GLUD1: variants seen among roughly 807,000 people sequenced by gnomAD.
The protein encoded by GLUD1 is glutamate dehydrogenase 1, mitochondrial.
A neutral mutation model predicts 56.0 loss-of-function variants in GLUD1; 22 were observed. The observed-to-expected ratio is 0.39, with a 90% CI of 0.28 to 0.56. The LOEUF is 0.56. Among genes scored for constraint, GLUD1 ranks in the 20% least tolerant of loss-of-function variants. GLUD1 has a pLI of 0.58. For synonymous variants in GLUD1, 223 were observed against 269.9 expected, an observed-to-expected ratio of 0.83 and a Z score of 1.70; for missense variants, 451 against 732.0, an observed-to-expected ratio of 0.62 and a Z score of 4.43.
intron 1 of GLUD1, among the ~76,000 whole-genome samples, chr10:87,077,868 G>C (rs1846444164): frequency 6.6e-6 from 1 of 151,962 alleles, no homozygotes; most frequent in African/African-American, 2.4e-5. Context: ...GAGGGGCTGG[G>C]TACGATTTCC....
intron 4 of GLUD1, among the ~76,000 whole-genome samples, chr10:87,069,023 CTT>C (rs1197221736): frequency 7.3e-5 from 11 of 150,682 alleles, no homozygotes; most frequent in African/African-American, 2.4e-4. Context: ...AAAAGGGTAA[CTT>C]ATATCCATGT....
chr10:87,087,762 T>C (rs765366754), intron 1 of GLUD1, among the ~76,000 whole-genome samples: 16 of 152,186 alleles, frequency 1.1e-4, no homozygotes, highest in Non-Finnish European at 1.0e-4. Context: ...CCAACTCCTA[T>C]CCAGCCTTCT....
At position 87,074,532 on chromosome 10, in the gene GLUD1, A is replaced by T. The variant is rs1285864195; in HGVS notation, c.646+19T>A. 2.0e-6 allele frequency: 3 copies of T among 1,472,986 alleles called. No individual in the cohort carries two copies. Among genetic ancestry groups the T allele is most frequent in the Non-Finnish European group, 2.9e-6 (3 of 1,051,836 alleles). The allele number at this position is 1,472,986 out of a possible 1,614,324, so 91.2% of individuals were successfully genotyped here. On this transcript the variant is annotated intron_variant, in intron 4 of 12. Coordinates refer to ENST00000277865, the MANE Select transcript of GLUD1 (RefSeq NM_005271.5). The stretch of plus-strand genomic sequence containing the variant: ...TAGATGTTCCCACTTTATACCAAAA[A>T]CTATGTGGCTACACATACCAATAAA...
chr10:87,073,196 A>T (rs1846286719), intron 4 of GLUD1, among the ~76,000 whole-genome samples: 1 of 152,138 alleles, frequency 6.6e-6, no homozygotes, highest in African/African-American at 2.4e-5. Flanking sequence ...TGCTCAGGCC[A>T]GAGTGTGGCA....
At chr10:87,059,010 G>T in intron 10 of GLUD1, 140 bp downstream of exon 10, 2 of 1,008,712 alleles carry the variant, frequency 2.0e-6, no homozygotes, top group Admixed American at 1.8e-5. Context: ...TTTGGTCTAA[G>T]TTTCATGAGA....
chr10:87,094,792 C>T lies in GLUD1; in HGVS notation c.-23G>A. On this transcript the variant is annotated 5_prime_UTR_variant, in exon 1 of 13. Coordinates refer to ENST00000277865, the MANE Select transcript of GLUD1 (RefSeq NM_005271.5). The surrounding 1 kb of genome is among the most constrained non-coding windows in gnomAD (Gnocchi z 6.6). Reference sequence around the variant, plus strand: ...CATGGCCACAAGCGGAGGGGAGGTGCGTGATGGTCGCGAAACAGGCGCGCT... The same window carrying T: ...CATGGCCACAAGCGGAGGGGAGGTGTGTGATGGTCGCGAAACAGGCGCGCT... 4.6e-6 allele frequency: 7 copies of T among 1,515,682 alleles called. No individual in the cohort carries two copies. The highest frequency in any genetic ancestry group is 2.3e-5 in the South Asian group (2 of 85,140). 93.9% of individuals were successfully genotyped at this position (1,515,682 alleles called of 1,614,324 possible).
Position 87,074,572 on chromosome 10 carries a change from G to C in GLUD1, c.625C>G (p.Leu209Val). The change falls in exon 4 of 13, where the codon CTA (leucine) becomes GTA (valine). Residue 209 changes from leucine to valine, a missense_variant. By Grantham distance (32) the Leu-to-Val change is conservative. Transcript: ENST00000277865. ...ATACCAATAAAGCCCTTTTTTGCTA[G>C]CTCCATGGTGAACCTCCTTGTGATC... ...EKITRRFTME[L>V]AKKGFIGPGI... 1 of 1,588,580 alleles carries C rather than the reference G, an allele frequency of 6.3e-7. No individual in the cohort carries two copies. The highest frequency in any genetic ancestry group is 1.7e-5 in the Admixed American group (1 of 59,938).
chr10:87,060,447 G>GTT (rs367859959), intron 8 of GLUD1: 127 of 532,912 alleles, frequency 2.4e-4, no homozygotes, highest in African/African-American at 3.0e-4. Flanking sequence ...TTGTTTGCTT[G>GTT]TTTTTTTTTT....
Position 87,087,586 on chromosome 10 carries a change from A to G in GLUD1, c.445+6739T>C, listed in dbSNP as rs544585390. The stretch of plus-strand genomic sequence containing the variant: ...TATCACTCAGGAATTTGCGACATTC[A>G]GGAGCTCTGTGTTGGGAACCAGGCA... On this transcript the variant is annotated intron_variant, in intron 1 of 12. Coordinates refer to ENST00000277865, the MANE Select transcript of GLUD1 (RefSeq NM_005271.5). Among the ~76,000 whole-genome samples the G allele has an allele frequency of 1.5e-4, 23 of 152,352 alleles. No individual in the cohort carries two copies. In the South Asian group the frequency reaches 4.8e-3, roughly 32 times the overall value.
intron 1 of GLUD1, among the ~76,000 whole-genome samples, chr10:87,081,403 G>A (rs916939430): frequency 1.3e-5 from 2 of 152,194 alleles, no homozygotes; most frequent in African/African-American, 4.8e-5. Context: ...CTACTGGGAA[G>A]TGAGGAGCCC....
In GLUD1 at chr10:87,094,187, G is replaced by T. The variant is rs1222044912; in HGVS notation, c.445+138C>A. 4 of 1,377,970 alleles carry T rather than the reference G, an allele frequency of 2.9e-6. No homozygotes were observed. The African/African-American group carries it at 4.4e-5, about 15-fold the overall frequency. 85.4% of individuals were successfully genotyped at this position (1,377,970 alleles called of 1,614,324 possible). On this transcript the variant is annotated intron_variant, in intron 1 of 12. Transcript: ENST00000277865. The surrounding 1 kb of genome is among the most constrained non-coding windows in gnomAD (Gnocchi z 6.6). Reference sequence around the variant, plus strand: ...CCACAGAGCCGGCCACATCCGAGGCGGGGTGACCCGGGCGGGGACCCGGCC... The same window carrying T: ...CCACAGAGCCGGCCACATCCGAGGCTGGGTGACCCGGGCGGGGACCCGGCC...
At chr10:87,074,274 G>A (rs1035300350) in intron 4 of GLUD1, among the ~76,000 whole-genome samples, 10 of 152,140 alleles carry the variant, frequency 6.6e-5, no homozygotes, top group East Asian at 3.9e-4. Flanking sequence ...TCCGAGATGG[G>A]TGGATCACCT....
chr10:87,059,384 G>A (rs1845871023), intron 9 of GLUD1, 111 bp from the exon 10 acceptor site: 5 of 1,020,570 alleles, frequency 4.9e-6, no homozygotes, highest in Middle Eastern at 2.1e-4. Context: ...TTTAAATATC[G>A]CAAATATATT....
At chr10:87,077,147 A>T (rs1846420772) in intron 1 of GLUD1, among the ~76,000 whole-genome samples, 1 of 152,020 alleles carries the variant, frequency 6.6e-6, no homozygotes, top group African/African-American at 2.4e-5. Flanking sequence ...AGTAGCTGGG[A>T]CCACAAGTGC....
rs1845628538 is a variant in GLUD1, at chr10:87,051,385, C to T, written c.*366G>A. 1 of 369,876 alleles carries T rather than the reference C, an allele frequency of 2.7e-6. No homozygotes were observed. Among genetic ancestry groups the T allele is most frequent in the South Asian group, 2.4e-5 (1 of 41,700 alleles). The allele number at this position is 369,876 out of a possible 1,614,324, so 22.9% of individuals were successfully genotyped here. ...AAGTTACAGTGTGTCCCAGACTCAT[C>T]CAGAAAAAATAAGCAAGCAACTGAC... On this transcript the variant is annotated 3_prime_UTR_variant, in exon 13 of 13. Transcript: ENST00000277865.
intron 5 of GLUD1, among the ~76,000 whole-genome samples, chr10:87,065,240 C>T (rs555684106): frequency 2.9e-5 from 4 of 135,802 alleles, no homozygotes; most frequent in East Asian, 4.5e-4. Context: ...TTGCGGTGAC[C>T]TGAGATCGGG....
At chr10:87,059,839 T>C (rs1254282079) in intron 9 of GLUD1, among the ~76,000 whole-genome samples, 1 of 152,226 alleles carries the variant, frequency 6.6e-6, no homozygotes, top group African/African-American at 2.4e-5. Context: ...GCACTTGAAA[T>C]GCATAAGGTT....
chr10:87,057,759 T>A lies in GLUD1; in HGVS notation c.1426A>T (p.Arg476Ter). 6.4e-7 allele frequency: 1 copy of A among 1,574,044 alleles called. No individual in the cohort carries two copies. Among genetic ancestry groups the A allele is most frequent in the African/African-American group, 1.3e-5 (1 of 74,274 alleles). The change falls in exon 11 of 13, where the codon AGA becomes TGA. Residue 476 changes from arginine (R) to a stop codon, truncating the protein, a stop_gained. Coordinates refer to ENST00000277865, the MANE Select transcript of GLUD1 (RefSeq NM_005271.5). LOFTEE classifies it high-confidence loss of function. ...GTTCCACCATGCTTTCCAAATTTTCTTTCTAAACTCTCTTGAACAGACACT... is the reference window on the plus strand; with the variant it reads ...GTTCCACCATGCTTTCCAAATTTTCATTCTAAACTCTCTTGAACAGACACT... ...LLMSVQESLE[R>*]KFGKHGGTIP...
chr10:87,058,003 G>T (rs1845832971), intron 10 of GLUD1, among the ~76,000 whole-genome samples: 1 of 152,068 alleles, frequency 6.6e-6, no homozygotes, highest in Non-Finnish European at 1.5e-5. Context: ...CGAGTAGCTG[G>T]GACTACAGGT....
Sources: allele counts gnomAD v4.1 joint callset (sites outside exome capture counted in the v4.1 genomes callset), GRCh38; gene constraint gnomAD v4.1.1; non-coding constraint Gnocchi (gnomAD v3.1); transcripts MANE v1.5; gene names NCBI Gene and HGNC (gene_info 2026-07-23, HGNC 2026-07-21).